The following RAD51B variants were observed in gnomAD, a reference collection of about 807,000 sequenced individuals.
RAD51B encodes the protein RAD51 paralog B.
A neutral mutation model predicts 42.2 loss-of-function variants in RAD51B; 38 were observed. That is an observed-to-expected ratio of 0.90 (90% CI 0.70 to 1.18). The LOEUF (loss-of-function observed/expected upper bound fraction) is 1.18. RAD51B is among the 50% of genes most tolerant of loss of function. RAD51B has a pLI of 0.00. For missense variants in RAD51B, 373 were observed against 400.7 expected (o/e 0.93, Z 0.59); for synonymous variants, 154 against 145.2 (o/e 1.06, Z -0.43).
intron 7 of RAD51B, among the ~76,000 whole-genome samples, chr14:67,965,685 C>T (rs2074760790): frequency 6.6e-6 from 1 of 152,098 alleles, no homozygotes; most frequent in Non-Finnish European, 1.5e-5. Flanking sequence ...TACATTTACT[C>T]CATTCCCACA....
At chr14:68,340,479 G>C (rs2082550734) in intron 8 of RAD51B, among the ~76,000 whole-genome samples, 1 of 152,204 alleles carries the variant, frequency 6.6e-6, no homozygotes, top group Admixed American at 6.5e-5. Context: ...GCTGCTACCT[G>C]TGAGGTTTCA....
At chr14:68,564,555 A>C (rs12586230) in intron 10 of RAD51B, among the ~76,000 whole-genome samples, 37,019 of 151,972 alleles carry the variant, frequency 0.24, 4,643 homozygotes, top group East Asian at 0.38. Flanking sequence ...AAGCTTCACG[A>C]TCCCTTACTT....
intron 8 of RAD51B, among the ~76,000 whole-genome samples, chr14:68,396,855 C>CATTA (rs1296400018): frequency 6.6e-6 from 1 of 152,126 alleles, no homozygotes; most frequent in African/African-American, 2.4e-5. Flanking sequence ...AGTTTCCATG[C>CATTA]ATTTTCCCTC....
chr14:68,199,704 T>A (rs1247700055), intron 7 of RAD51B, among the ~76,000 whole-genome samples: 1 of 152,240 alleles, frequency 6.6e-6, no homozygotes, highest in Non-Finnish European at 1.5e-5. Context: ...AGAGGATGTC[T>A]ACAGCCACTC....
intron 7 of RAD51B, among the ~76,000 whole-genome samples, chr14:67,951,147 A>G (rs2074436567): frequency 6.6e-6 from 1 of 152,240 alleles, no homozygotes; most frequent in Non-Finnish European, 1.5e-5. Context: ...AATGGCAGTC[A>G]TAGACTTGCT....
At chr14:67,862,369 G>A (rs936469868) in intron 4 of RAD51B, among the ~76,000 whole-genome samples, 2 of 151,116 alleles carry the variant, frequency 1.3e-5, no homozygotes, top group East Asian at 1.9e-4. Flanking sequence ...TGTGATTTGT[G>A]TACTTTTCTG....
At chr14:68,665,289 T>C (rs137945917) in intron 11 of RAD51B, among the ~76,000 whole-genome samples, 1 of 152,394 alleles carries the variant, frequency 6.6e-6, no homozygotes, top group East Asian at 1.9e-4. Flanking sequence ...CGCCATTGGG[T>C]ACTCTATCTC....
At chr14:68,460,764 G>C (rs1211777058) in intron 9 of RAD51B, among the ~76,000 whole-genome samples, 1 of 152,300 alleles carries the variant, frequency 6.6e-6, no homozygotes, top group East Asian at 1.9e-4. Context: ...GCTATAGCAA[G>C]CTGAAACCAA....
At chr14:67,942,986 C>T (rs1243050385) in intron 7 of RAD51B, among the ~76,000 whole-genome samples, 3 of 151,982 alleles carry the variant, frequency 2.0e-5, no homozygotes, top group South Asian at 2.1e-4. Flanking sequence ...CTTTATTTTG[C>T]AGGCTGTTTT....
intron 7 of RAD51B, among the ~76,000 whole-genome samples, chr14:68,071,727 T>A (rs761874942): frequency 7.0e-4 from 106 of 151,982 alleles, no homozygotes; most frequent in Non-Finnish European, 9.0e-4. Flanking sequence ...AAGATTTCTT[T>A]TTTCATTTCA....
At chr14:68,181,358 C>T (rs1269635349) in intron 7 of RAD51B, among the ~76,000 whole-genome samples, 4 of 152,202 alleles carry the variant, frequency 2.6e-5, no homozygotes, top group Non-Finnish European at 5.9e-5. Context: ...TGTTTCACCT[C>T]GAGTCCAGGG....
chr14:68,266,923 A>G (rs1426547032), intron 7 of RAD51B, among the ~76,000 whole-genome samples: 1 of 152,258 alleles, frequency 6.6e-6, no homozygotes, highest in African/African-American at 2.4e-5. Flanking sequence ...CAGCACACCA[A>G]TTATTTATGT....
chr14:68,119,521 A>G (rs2077609520), intron 7 of RAD51B, among the ~76,000 whole-genome samples: 1 of 125,466 alleles, frequency 8.0e-6, no homozygotes, highest in African/African-American at 3.1e-5. Context: ...TCATGTGTCC[A>G]TGTGGTCTCA....
chr14:68,402,075 T>C (rs967802353), intron 8 of RAD51B, among the ~76,000 whole-genome samples: 1 of 152,278 alleles, frequency 6.6e-6, no homozygotes, highest in African/African-American at 2.4e-5. Flanking sequence ...GGTTCACAGA[T>C]TCAGTTAGTG....
chr14:68,518,011 A>C (rs1886278439), intron 10 of RAD51B, among the ~76,000 whole-genome samples: 1 of 152,164 alleles, frequency 6.6e-6, no homozygotes, highest in African/African-American at 2.4e-5. Flanking sequence ...TTTTTAGAGT[A>C]GCAGGGTGCC....
At chr14:68,404,003 C>T (rs886176887) in intron 8 of RAD51B, among the ~76,000 whole-genome samples, 21 of 152,160 alleles carry the variant, frequency 1.4e-4, no homozygotes, top group Non-Finnish European at 1.8e-4. Flanking sequence ...TTTGACTTAC[C>T]TAAAAGAGTC....
chr14:67,820,794 G>A (rs1008677239), intron 1 of RAD51B, among the ~76,000 whole-genome samples: 1 of 152,100 alleles, frequency 6.6e-6, no homozygotes, highest in African/African-American at 2.4e-5. Context: ...TAAGTACTAT[G>A]TGCCACGCAC....
At chr14:68,075,797 A>C (rs1163695587) in intron 7 of RAD51B, among the ~76,000 whole-genome samples, 1 of 152,136 alleles carries the variant, frequency 6.6e-6, no homozygotes, top group Non-Finnish European at 1.5e-5. Context: ...GGGAAGGGAG[A>C]CTGGGCTCCT....
intron 7 of RAD51B, among the ~76,000 whole-genome samples, chr14:68,067,229 G>T (rs867665966): frequency 2.0e-5 from 3 of 152,076 alleles, no homozygotes; most frequent in African/African-American, 7.2e-5. Context: ...TTGGGAGGCC[G>T]AGGTGGGCAG....
Sources: allele counts gnomAD v4.1 joint callset (sites outside exome capture counted in the v4.1 genomes callset), GRCh38; gene constraint gnomAD v4.1.1; transcripts MANE v1.5; gene names NCBI Gene and HGNC (gene_info 2026-07-23, HGNC 2026-07-21).